PUDP: variants seen among roughly 807,000 people sequenced by gnomAD.
The protein encoded by PUDP is pseudouridine 5'-phosphatase.
Under a neutral mutation model 9.4 loss-of-function variants are expected in PUDP, and 8 were observed. The ratio of observed to expected loss-of-function variants is 0.85; its 90% CI spans 0.50 to 1.53. PUDP has a LOEUF of 1.53. Among genes scored for constraint, PUDP ranks in the 40% most tolerant of loss-of-function variants. The probability of loss-of-function intolerance (pLI) is 0.00; values close to 1 mark genes in which losing one functional copy is unlikely to be tolerated. For synonymous variants in PUDP, 99 were observed against 80.7 expected, an observed-to-expected ratio of 1.23 and a Z score of -1.22; for missense variants, 188 against 189.7, an observed-to-expected ratio of 0.99 and a Z score of 0.05.
In PUDP at chrX:7,117,537, G is replaced by A. The variant is rs745529939; in HGVS notation, c.62-11699C>T. Among the ~76,000 whole-genome samples the A allele has an allele frequency of 2.7e-5, 3 of 112,804 alleles. No homozygotes were observed. The South Asian group carries it at 1.1e-3, about 41-fold the overall frequency. On this transcript the variant is annotated intron_variant, in intron 1 of 3. Transcript: ENST00000381077. The stretch of plus-strand genomic sequence containing the variant: ...ATGTGTAACCTGGCTTCTTCTAACA[G>A]ACTACGCTCAGATGCAGAAGCAAAG...
intron 1 of PUDP, among the ~76,000 whole-genome samples, chrX:6,983,136 G>A (rs1281518418): frequency 3.6e-5 from 4 of 112,156 alleles, no homozygotes; most frequent in Admixed American, 9.4e-5. Context: ...AGACATAGGC[G>A]ATTTATCAAG....
chrX:6,916,619 C>G (rs1283294371), intron 3 of PUDP, among the ~76,000 whole-genome samples: 1 of 111,506 alleles, frequency 9.0e-6, no homozygotes, highest in Non-Finnish European at 1.9e-5. Context: ...AGTGCAGCAG[C>G]TATCATGGGA....
chrX:7,081,543 T>A (rs1369783740), intron 2 of PUDP, among the ~76,000 whole-genome samples: 1 of 112,598 alleles, frequency 8.9e-6, no homozygotes, highest in African/African-American at 3.2e-5. Flanking sequence ...CACCAATGTG[T>A]CTAGACTGGA....
intron 1 of PUDP, among the ~76,000 whole-genome samples, chrX:7,139,888 C>T (rs1373785093): frequency 8.9e-6 from 1 of 112,174 alleles, no homozygotes; most frequent in Admixed American, 9.4e-5. Context: ...GACCATCCTC[C>T]TCTCATACGC....
At chrX:7,077,127 A>G (rs1930931162) in intron 3 of PUDP, 93 bp downstream of exon 3, 7 of 1,132,091 alleles carry the variant, frequency 6.2e-6, no homozygotes, top group Non-Finnish European at 8.2e-6. Flanking sequence ...AACAGCACAA[A>G]CCACAACTTT....
At chrX:6,816,963 A>T (rs1312758178) in intron 3 of PUDP, among the ~76,000 whole-genome samples, 1 of 97,551 alleles carries the variant, frequency 1.0e-5, no homozygotes, top group African/African-American at 3.8e-5. Context: ...TGTATATACA[A>T]TATATATACA....
chrX:6,758,901 C>A (rs1925199294), intron 3 of PUDP, among the ~76,000 whole-genome samples: 1 of 111,885 alleles, frequency 8.9e-6, no homozygotes, highest in African/African-American at 3.2e-5. Flanking sequence ...AATTGCTGCA[C>A]ATGTAGGCTA....
intron 3 of PUDP, among the ~76,000 whole-genome samples, chrX:6,745,837 T>A (rs1924993178): frequency 4.5e-5 from 5 of 111,388 alleles, no homozygotes; most frequent in Admixed American, 3.8e-4. Flanking sequence ...AGAGATGGGA[T>A]CTTGCTATGT....
chrX:7,024,207 C>A (rs1929673814), intron 1 of PUDP, among the ~76,000 whole-genome samples: 1 of 111,763 alleles, frequency 8.9e-6, no homozygotes, highest in Non-Finnish European at 1.9e-5. Context: ...TGCACTGGTT[C>A]TGATCTCTTG....
chrX:6,707,233 C>A (rs1367557017), intron 1 of PUDP, among the ~76,000 whole-genome samples: 1 of 110,836 alleles, frequency 9.0e-6, no homozygotes, highest in Non-Finnish European at 1.9e-5. Flanking sequence ...GGATTCCAAG[C>A]AGTGCACCAC....
At chrX:6,908,828 C>T (rs1371426159) in intron 3 of PUDP, among the ~76,000 whole-genome samples, 1 of 111,994 alleles carries the variant, frequency 8.9e-6, no homozygotes, top group Non-Finnish European at 1.9e-5. Context: ...TTTTCCAAAT[C>T]CATCATCTCA....
chrX:6,961,364 C>T (rs1261735858), intron 3 of PUDP, among the ~76,000 whole-genome samples: 1 of 110,195 alleles, frequency 9.1e-6, no homozygotes, highest in African/African-American at 3.3e-5. Context: ...CCAGCCTAGG[C>T]AACAGAGTGA....
At chrX:7,001,173 T>C (rs942051293) in intron 1 of PUDP, among the ~76,000 whole-genome samples, 15 of 110,445 alleles carry the variant, frequency 1.4e-4, no homozygotes, top group East Asian at 2.8e-4. Flanking sequence ...TTAGAACATA[T>C]ATTTTTTAGA....
intron 3 of PUDP, among the ~76,000 whole-genome samples, chrX:6,831,094 GTCT>G (rs1926497006): frequency 9.0e-6 from 1 of 111,423 alleles, no homozygotes; most frequent in African/African-American, 3.3e-5. Flanking sequence ...AATCGAAGCT[GTCT>G]TCTTGTGCTG....
intron 3 of PUDP, among the ~76,000 whole-genome samples, chrX:6,814,734 G>T (rs1926200129): frequency 8.9e-6 from 1 of 111,776 alleles, no homozygotes; most frequent in South Asian, 3.7e-4. Flanking sequence ...ACAACATCCT[G>T]CTTCCTAATC....
intron 3 of PUDP, among the ~76,000 whole-genome samples, chrX:6,737,121 G>A (rs1396317449): frequency 9.0e-6 from 1 of 110,814 alleles, no homozygotes; most frequent in Non-Finnish European, 1.9e-5. Flanking sequence ...CAGGCTAAAG[G>A]AAGATTTAGA....
chrX:6,914,838 C>T (rs926564838), intron 3 of PUDP, among the ~76,000 whole-genome samples: 1 of 112,464 alleles, frequency 8.9e-6, no homozygotes, highest in Non-Finnish European at 1.9e-5. Flanking sequence ...TGTGCTCTCA[C>T]GTCGATATAA....
intron 3 of PUDP, among the ~76,000 whole-genome samples, chrX:6,816,278 A>G (rs182751910): frequency 1.9e-4 from 20 of 105,409 alleles, no homozygotes; most frequent in Non-Finnish European, 3.9e-5. Context: ...TATAGTATAT[A>G]TGTATATATA....
At chrX:6,728,612 G>A (rs1010467572) in intron 3 of PUDP, among the ~76,000 whole-genome samples, 1 of 111,684 alleles carries the variant, frequency 9.0e-6, no homozygotes, top group African/African-American at 3.3e-5. Flanking sequence ...CGTAGGCAGT[G>A]AGATACAGGC....
Sources: gnomAD v4.1 joint callset for allele counts (sites outside exome capture counted in the v4.1 genomes callset) on GRCh38, gnomAD v4.1.1 for gene constraint, MANE v1.5 for transcripts, NCBI Gene and HGNC (gene_info 2026-07-23, HGNC 2026-07-21) for gene names.